The following DCAF8L2 variants were observed in gnomAD, a reference collection of about 807,000 sequenced individuals.
The protein encoded by DCAF8L2 is DDB1 and CUL4 associated factor 8 like 2.
For missense variants in DCAF8L2, 430 were observed against 490.7 expected (o/e 0.88, Z 1.17); for synonymous variants, 200 against 190.9 (o/e 1.05, Z -0.39).
At chrX:27,651,505 C>CTTTT (rs1170253991) in intron 2 of DCAF8L2, among the ~76,000 whole-genome samples, 17 of 88,206 alleles carry the variant, frequency 1.9e-4, no homozygotes, top group East Asian at 3.3e-4. Context: ...AGTAGATAAC[C>CTTTT]TTTTTTTTTT....
chrX:27,620,114 C>A (rs990173053), intron 1 of DCAF8L2, among the ~76,000 whole-genome samples: 3 of 111,558 alleles, frequency 2.7e-5, no homozygotes, highest in African/African-American at 9.7e-5. Context: ...GACAAAATTT[C>A]TCATATATAC....
the DCAF8L2 span, among the ~76,000 whole-genome samples, chrX:27,568,658 GT>G: frequency 0.012 from 1,161 of 93,499 alleles, 18 homozygotes; most frequent in South Asian, 0.16. Flanking sequence ...CTCCATTTCT[GT>G]TTTTTTTTTT....
the DCAF8L2 span, among the ~76,000 whole-genome samples, chrX:27,513,332 G>T: frequency 8.9e-6 from 1 of 111,836 alleles, no homozygotes; most frequent in African/African-American, 3.2e-5. Context: ...GAAAGTATTT[G>T]TAAACTATGT....
At chrX:27,551,144 C>T in the DCAF8L2 span, among the ~76,000 whole-genome samples, 1 of 108,765 alleles carries the variant, frequency 9.2e-6, no homozygotes, top group African/African-American at 3.4e-5. Flanking sequence ...TTCCTGTTCC[C>T]TGAAGCACAA....
chrX:27,509,745 G>A, the DCAF8L2 span, among the ~76,000 whole-genome samples: 1 of 111,290 alleles, frequency 9.0e-6, no homozygotes, highest in Non-Finnish European at 1.9e-5. Flanking sequence ...TGTTAGTAAA[G>A]GGGAAAACAT....
intron 2 of DCAF8L2, among the ~76,000 whole-genome samples, chrX:27,637,978 A>T (rs762082947): frequency 9.8e-5 from 11 of 111,930 alleles, no homozygotes; most frequent in Non-Finnish European, 2.1e-4. Context: ...AGCAAGATTT[A>T]TTGGGAAAAA....
chrX:27,549,634 T>A, the DCAF8L2 span, among the ~76,000 whole-genome samples: 2 of 110,934 alleles, frequency 1.8e-5, no homozygotes, highest in Non-Finnish European at 3.8e-5. Flanking sequence ...CTGAGGAGAG[T>A]AATGAAAGAC....
chrX:27,664,519 G>A (rs1398449905), intron 2 of DCAF8L2, among the ~76,000 whole-genome samples: 1 of 112,338 alleles, frequency 8.9e-6, no homozygotes, highest in Non-Finnish European at 1.9e-5. Flanking sequence ...TGGAGAAGCT[G>A]CAGCAAGTTA....
chrX:27,622,002 AC>A (rs1462217198), intron 1 of DCAF8L2, among the ~76,000 whole-genome samples: 1 of 109,015 alleles, frequency 9.2e-6, no homozygotes, highest in Non-Finnish European at 1.9e-5. Context: ...AACAACAACA[AC>A]AACAAAAAAA....
At chrX:27,592,397 GT>G (rs993718605) in intron 1 of DCAF8L2, among the ~76,000 whole-genome samples, 1 of 82,598 alleles carries the variant, frequency 1.2e-5, no homozygotes, top group African/African-American at 4.6e-5. Flanking sequence ...GGAGAGCATT[GT>G]TTTTTTTTGT....
At chrX:27,637,696 GAAAT>G (rs1484619745) in intron 2 of DCAF8L2, among the ~76,000 whole-genome samples, 2 of 112,162 alleles carry the variant, frequency 1.8e-5, no homozygotes, top group Non-Finnish European at 3.8e-5. Flanking sequence ...AATTAAAAAT[GAAAT>G]AAAATCATTT....
chrX:27,491,727 T>C, the DCAF8L2 span, among the ~76,000 whole-genome samples: 5 of 108,139 alleles, frequency 4.6e-5, no homozygotes, highest in Non-Finnish European at 9.6e-5. Flanking sequence ...TGCACTTAGA[T>C]GATCTCTAGT....
At chrX:27,481,431 A>C in the DCAF8L2 span, among the ~76,000 whole-genome samples, 1 of 111,342 alleles carries the variant, frequency 9.0e-6, no homozygotes, top group African/African-American at 3.3e-5. Flanking sequence ...CTTTATCATA[A>C]GAACAATAGG....
At chrX:27,555,416 A>G in the DCAF8L2 span, among the ~76,000 whole-genome samples, 1 of 111,795 alleles carries the variant, frequency 8.9e-6, no homozygotes, top group African/African-American at 3.3e-5. Context: ...GCCTTTTCAA[A>G]TGTTGGCACA....
the DCAF8L2 span, among the ~76,000 whole-genome samples, chrX:27,576,824 C>T: frequency 3.6e-5 from 4 of 111,472 alleles, no homozygotes; most frequent in African/African-American, 1.3e-4. Context: ...ATAAACTGTC[C>T]ATTATGAGGA....
At chrX:27,654,278 T>C (rs188341306) in intron 2 of DCAF8L2, among the ~76,000 whole-genome samples, 176 of 111,418 alleles carry the variant, frequency 1.6e-3, no homozygotes, top group Non-Finnish European at 3.1e-3. Context: ...ACCTTTGTTG[T>C]TTCAAACAGA....
At chrX:27,539,565 A>T in the DCAF8L2 span, among the ~76,000 whole-genome samples, 1 of 111,840 alleles carries the variant, frequency 8.9e-6, no homozygotes, top group African/African-American at 3.2e-5. Flanking sequence ...TTTAAACTAT[A>T]TCTTTCTAAC....
chrX:27,643,073 T>G (rs1928804232), intron 2 of DCAF8L2, among the ~76,000 whole-genome samples: 1 of 112,273 alleles, frequency 8.9e-6, no homozygotes, highest in African/African-American at 3.2e-5. Context: ...ATAATCATTT[T>G]ATTCCTTACA....
the DCAF8L2 span, among the ~76,000 whole-genome samples, chrX:27,532,551 G>A: frequency 1.8e-5 from 2 of 110,197 alleles, no homozygotes; most frequent in African/African-American, 6.6e-5. Flanking sequence ...ATCACTATTT[G>A]GCAGCTATCA....
Sources: allele counts gnomAD v4.1 joint callset (sites outside exome capture counted in the v4.1 genomes callset), GRCh38; gene constraint gnomAD v4.1.1; transcripts MANE v1.5; gene names NCBI Gene and HGNC (gene_info 2026-07-23, HGNC 2026-07-21).